ENOX1: variants seen among roughly 807,000 people sequenced by gnomAD.
The protein encoded by ENOX1 is ecto-NOX disulfide-thiol exchanger 1.
In ENOX1, 42 loss-of-function variants were observed where a neutral mutation model predicts 82.5. That is an observed-to-expected ratio of 0.51 (90% confidence interval 0.40 to 0.66). ENOX1 has a LOEUF of 0.66. Ranked by LOEUF, ENOX1 falls within the 30% of genes least tolerant of loss-of-function variation. The probability of loss-of-function intolerance (pLI) is 0.00; values close to 1 mark genes in which losing one functional copy is unlikely to be tolerated. For synonymous variants in ENOX1, 271 were observed against 282.2 expected (o/e 0.96, Z 0.40); for missense variants, 608 against 811.6 (o/e 0.75, Z 3.05).
At chr13:43,683,723 C>A (rs1182397480) in intron 1 of ENOX1, among the ~76,000 whole-genome samples, 1 of 152,074 alleles carries the variant, frequency 6.6e-6, no homozygotes, top group East Asian at 1.9e-4. Context: ...GGCTACAGGA[C>A]AAAGACAACT....
chr13:43,343,571 GCCCTCTCTTC>G (rs2049191526), intron 9 of ENOX1, among the ~76,000 whole-genome samples: 1 of 152,106 alleles, frequency 6.6e-6, no homozygotes, highest in Admixed American at 6.6e-5. Context: ...TCTCAGTTTT[GCCCTCTCTTC>G]CATCCTATCC....
At chr13:43,551,510 A>G (rs1718382930) in intron 2 of ENOX1, among the ~76,000 whole-genome samples, 2 of 152,200 alleles carry the variant, frequency 1.3e-5, no homozygotes, top group South Asian at 4.1e-4. Context: ...CCCATTTTTT[A>G]TCTTTTAAGA....
chr13:43,505,154 C>T (rs1323214144), intron 2 of ENOX1, among the ~76,000 whole-genome samples: 1 of 151,862 alleles, frequency 6.6e-6, no homozygotes, highest in African/African-American at 2.4e-5. Flanking sequence ...GTTCTAGATG[C>T]TTCCAGTTCA....
intron 2 of ENOX1, among the ~76,000 whole-genome samples, chr13:43,638,296 A>T (rs554009844): frequency 1.3e-5 from 2 of 152,236 alleles, no homozygotes; most frequent in African/African-American, 4.8e-5. Flanking sequence ...CATAATTTCC[A>T]TATTTATTGA....
intron 3 of ENOX1, among the ~76,000 whole-genome samples, chr13:43,479,141 A>G (rs146667083): frequency 0.011 from 1,607 of 152,252 alleles, 15 homozygotes; most frequent in Middle Eastern, 0.024. Context: ...AGTGAGGCAG[A>G]AGGCAGAAGT....
intron 15 of ENOX1, among the ~76,000 whole-genome samples, chr13:43,234,556 T>A (rs982175850): frequency 2.6e-5 from 4 of 152,320 alleles, no homozygotes; most frequent in Middle Eastern, 3.4e-3. Flanking sequence ...ATTAGTAAAC[T>A]AGTTCAAAAG....
chr13:43,784,344 CAG>C (rs1376714332), intron 1 of ENOX1, among the ~76,000 whole-genome samples: 2 of 152,130 alleles, frequency 1.3e-5, no homozygotes, highest in Non-Finnish European at 2.9e-5. Flanking sequence ...AATAAAAACA[CAG>C]AATTATTTTC....
intron 2 of ENOX1, among the ~76,000 whole-genome samples, chr13:43,653,369 C>T (rs924470136): frequency 6.6e-6 from 1 of 152,206 alleles, no homozygotes; most frequent in Non-Finnish European, 1.5e-5. Context: ...AGAGATCTAC[C>T]TTCCTGGTTG....
chr13:43,252,130 T>C (rs934397862), intron 14 of ENOX1, among the ~76,000 whole-genome samples: 1 of 152,168 alleles, frequency 6.6e-6, no homozygotes, highest in African/African-American at 2.4e-5. Flanking sequence ...CTCACCAGCG[T>C]ACACTGAACA....
chr13:43,368,242 A>G (rs908646304), intron 5 of ENOX1, among the ~76,000 whole-genome samples: 4 of 152,222 alleles, frequency 2.6e-5, no homozygotes, highest in African/African-American at 7.2e-5. Context: ...CATTCCATCA[A>G]TAAAACCCTC....
chr13:43,383,245 T>C (rs772411065), intron 5 of ENOX1, among the ~76,000 whole-genome samples: 1 of 152,144 alleles, frequency 6.6e-6, no homozygotes, highest in Non-Finnish European at 1.5e-5. Context: ...GTTTTAGGTG[T>C]CATTGTATAT....
chr13:43,382,367 TTAAAAC>T (rs2052109984), intron 5 of ENOX1, among the ~76,000 whole-genome samples: 1 of 152,150 alleles, frequency 6.6e-6, no homozygotes, highest in Non-Finnish European at 1.5e-5. Context: ...GTTATGTACT[TTAAAAC>T]TACACATATG....
At chr13:43,445,848 C>G (rs2056624472) in intron 3 of ENOX1, among the ~76,000 whole-genome samples, 1 of 152,194 alleles carries the variant, frequency 6.6e-6, no homozygotes, top group South Asian at 2.1e-4. Flanking sequence ...GTGACGCAAG[C>G]AATTCAGCTA....
At chr13:43,556,003 C>A (rs996017449) in intron 2 of ENOX1, among the ~76,000 whole-genome samples, 1 of 152,192 alleles carries the variant, frequency 6.6e-6, no homozygotes, top group Admixed American at 6.5e-5. Context: ...CTTCTCAAAT[C>A]TCCCCTTACT....
intron 1 of ENOX1, among the ~76,000 whole-genome samples, chr13:43,735,192 T>C (rs925637151): frequency 1.3e-5 from 2 of 152,214 alleles, no homozygotes; most frequent in Admixed American, 6.5e-5. Flanking sequence ...TGTTTAAATG[T>C]ATCAGAAAGC....
At position 43,236,746 on chromosome 13, in the gene ENOX1, G is replaced by A. The variant is rs1305594821; in HGVS notation, c.1612-8C>T. ...TGTCAACACATTGATTTCCTATAAAGTTAAAAGCCAAAAACCATATATGGG... is the reference window on the plus strand; with the variant it reads ...TGTCAACACATTGATTTCCTATAAAATTAAAAGCCAAAAACCATATATGGG... On this transcript the variant is annotated splice_region_variant and splice_polypyrimidine_tract_variant and intron_variant, in intron 14 of 16. Coordinates refer to ENST00000690772, the MANE Select transcript of ENOX1 (RefSeq NM_001347969.2). 6 of 1,544,526 alleles carry A rather than the reference G, an allele frequency of 3.9e-6. No homozygotes were observed. The highest frequency in any genetic ancestry group is 4.3e-6 in the Non-Finnish European group (5 of 1,150,062).
chr13:43,242,450 G>A (rs1232713081), intron 14 of ENOX1, among the ~76,000 whole-genome samples: 1 of 152,212 alleles, frequency 6.6e-6, no homozygotes, highest in East Asian at 1.9e-4. Context: ...GTTCAGCTAT[G>A]ATCAATCTTA....
chr13:43,493,272 T>C (rs1379735543), intron 2 of ENOX1, among the ~76,000 whole-genome samples: 2 of 152,146 alleles, frequency 1.3e-5, no homozygotes, highest in African/African-American at 4.8e-5. Flanking sequence ...GGGAATTGGC[T>C]CACTTGATTA....
chr13:43,511,926 T>C (rs1445411683), intron 2 of ENOX1, among the ~76,000 whole-genome samples: 2 of 152,144 alleles, frequency 1.3e-5, no homozygotes, highest in Non-Finnish European at 2.9e-5. Flanking sequence ...TATGTGTGTA[T>C]ACTTATGTAT....
Sources: gnomAD v4.1 joint callset for allele counts (sites outside exome capture counted in the v4.1 genomes callset) on GRCh38, gnomAD v4.1.1 for gene constraint, MANE v1.5 for transcripts, NCBI Gene and HGNC (gene_info 2026-07-23, HGNC 2026-07-21) for gene names.